Variants in MTOR observed in about 807,000 individuals in gnomAD.
MTOR encodes mechanistic target of rapamycin kinase.
MTOR carries 70 observed loss-of-function variants against 319.8 expected under a neutral mutation model. That is an observed-to-expected ratio of 0.22 (90% CI 0.18 to 0.27). MTOR has a LOEUF of 0.27. MTOR is among the 10% of genes least tolerant of loss of function. The pLI is 1.00. For missense variants in MTOR, 1,890 were observed against 3,274.4 expected, an observed-to-expected ratio of 0.58 and a Z score of 10.32; for synonymous variants, 1,183 against 1,211.4, an observed-to-expected ratio of 0.98 and a Z score of 0.49.
intron 10 of MTOR, among the ~76,000 whole-genome samples, chr1:11,241,036 A>AC (rs1175679995): frequency 6.6e-6 from 1 of 151,936 alleles, no homozygotes; most frequent in African/African-American, 2.4e-5. Context: ...AAAAAAAAAA[A>AC]ATGAGGCCAG....
chr1:11,248,117 A>T (rs1318448742), intron 6 of MTOR, 23 bp from the exon 7 acceptor site: 1 of 1,554,966 alleles, frequency 6.4e-7, no homozygotes, highest in Non-Finnish European at 8.7e-7. Context: ...GGAGGAAAAA[A>T]ATCATCTTTA....
In MTOR at chr1:11,189,458, G is replaced by C. The variant is rs965233389; in HGVS notation, c.4253+9800C>G. On this transcript the variant is annotated intron_variant, in intron 28 of 57. Transcript: ENST00000361445. ...GCAAGGAAAGAGAGAAAACAACAAAGTGGCGAGGCCCTCAGAGTGAAAGCG... is the reference window on the plus strand; with the variant it reads ...GCAAGGAAAGAGAGAAAACAACAAACTGGCGAGGCCCTCAGAGTGAAAGCG... The C allele has an allele frequency of 2.3e-5, 27 of 1,188,720 alleles. No homozygotes were observed. The African/African-American group carries it at 3.8e-4, about 17-fold the overall frequency. The allele number at this position is 1,188,720 out of a possible 1,614,324, so 73.6% of individuals were successfully genotyped here. A position where few individuals can be genotyped will look rare whatever the true frequency, so the allele number is the denominator to read the frequency against.
At chr1:11,175,139 A>C (rs543527950) in intron 28 of MTOR, among the ~76,000 whole-genome samples, 2 of 152,230 alleles carry the variant, frequency 1.3e-5, no homozygotes, top group African/African-American at 4.8e-5. Context: ...ATTCTACTCC[A>C]GTTTCCAGTT....
At position 11,204,040 on chromosome 1, in the gene MTOR, G is replaced by A. The variant is rs182045434; in HGVS notation, c.3944+521C>T. ...CCCAGCCAGAGCTGGGTTCCTAGTC[G>A]AGAGTCACCTGCACTTTGCCAGACA... On this transcript the variant is annotated intron_variant, in intron 26 of 57. Transcript: ENST00000361445. Among the ~76,000 whole-genome samples, 9 of 149,710 alleles carry A rather than the reference G, an allele frequency of 6.0e-5. No individual in the cohort carries two copies. The East Asian group carries it at 1.7e-3, about 29-fold the overall frequency.
In MTOR at chr1:11,234,185, A is replaced by C. The variant is rs1257659185; in HGVS notation, c.2289T>G (p.Asn763Lys). Residue 763 changes from asparagine to lysine, a missense_variant, in exon 14 of 58, where the codon AAT becomes AAG. Physicochemically the swap from Asn to Lys is moderately conservative, Grantham distance 94 (BLOSUM62 0). Transcript: ENST00000361445. ...SARMLGHLVS[N>K]APRLIRPYME... is the part of the protein sequence containing the mutation. ...TGTAGGGGCGGATGAGTCGGGGGGC[A>C]TTGGAGACCAGGTGCCCCAGCATGC... 4 of 1,614,024 alleles carry C rather than the reference A, an allele frequency of 2.5e-6. No homozygotes were observed. Among genetic ancestry groups the C allele is most frequent in the Non-Finnish European group, 3.4e-6 (4 of 1,180,028 alleles).
rs1455846232 is a variant in MTOR, at chr1:11,127,442, T to G, written c.6216+182A>C. On this transcript the variant is annotated intron_variant, in intron 44 of 57. Transcript: ENST00000361445. The surrounding 1 kb of genome is among the most constrained non-coding windows in gnomAD (Gnocchi z 5.5). ...CCTGTAACTAATTTCTGATGTTTTA[T>G]GCTCTGTGACCTCCATCAGAGCTCG... 3.9e-5 allele frequency among the ~76,000 whole-genome samples: 6 copies of G among 152,210 alleles called. No homozygotes were observed. The highest frequency in any genetic ancestry group is 1.4e-4 in the African/African-American group (6 of 41,452).
intron 10 of MTOR, among the ~76,000 whole-genome samples, chr1:11,241,283 T>C (rs1647979317): frequency 7.2e-6 from 1 of 138,100 alleles, no homozygotes; most frequent in East Asian, 2.1e-4. Flanking sequence ...ACTGGGCCAC[T>C]GCACTCCAGC....
chr1:11,174,599 A>G (rs1037063251), intron 28 of MTOR, among the ~76,000 whole-genome samples: 6 of 152,232 alleles, frequency 3.9e-5, no homozygotes, highest in African/African-American at 1.2e-4. Context: ...TCTCCTGCCT[A>G]CCTGGGTGAT....
intron 16 of MTOR, among the ~76,000 whole-genome samples, chr1:11,231,671 C>T (rs1318674282): frequency 6.6e-6 from 1 of 152,190 alleles, no homozygotes; most frequent in Non-Finnish European, 1.5e-5. Context: ...CCACCTTTCT[C>T]AAAGAAAACA....
intron 4 of MTOR, 82 bp downstream of exon 4, chr1:11,256,851 G>A: frequency 1.5e-6 from 2 of 1,353,150 alleles, no homozygotes; most frequent in South Asian, 2.5e-5. Flanking sequence ...TTTAAGGAAT[G>A]AGCCTCAGAA....
chr1:11,242,371 A>G (rs777329374), intron 9 of MTOR, among the ~76,000 whole-genome samples: 1 of 152,058 alleles, frequency 6.6e-6, no homozygotes. Context: ...ATAGTGGCAC[A>G]TGCCTGTAAT....
At chr1:11,116,973 A>T in intron 50 of MTOR, 31 bp downstream of exon 50, 1 of 1,516,202 alleles carries the variant, frequency 6.6e-7, no homozygotes, top group African/African-American at 1.4e-5. Flanking sequence ...ATGGAGAAAG[A>T]AGACTAAAAA....
intron 28 of MTOR, chr1:11,193,539 G>A (rs754334070): frequency 6.5e-7 from 1 of 1,537,702 alleles, no homozygotes; most frequent in Non-Finnish European, 8.8e-7. Context: ...CCTGCCTTCT[G>A]CCCCTGCAAG....
rs763546723 is a variant in MTOR, at chr1:11,230,942, T to C, written c.2762A>G (p.Lys921Arg). The C allele has an allele frequency of 3.1e-6, 5 of 1,614,012 alleles. No homozygotes were observed. Among genetic ancestry groups the C allele is most frequent in the Non-Finnish European group, 3.4e-6 (4 of 1,180,012 alleles). ...CAACTTACAGGAATCCTGACTTGAC[T>C]TGGATTCTGACAGGCTGACAGCAGA... Reference protein sequence around the residue: ...DASAVSLSESKSSQDSSDYST... With the variant: ...DASAVSLSESRSSQDSSDYST... Residue 921 changes from lysine (K) to arginine (R), a missense_variant, in exon 18 of 58, where the codon AAG (lysine) becomes AGG (arginine). Coordinates refer to ENST00000361445, the MANE Select transcript of MTOR (RefSeq NM_004958.4).
intron 28 of MTOR, chr1:11,194,398 G>T (rs1645692148): frequency 6.7e-7 from 1 of 1,492,128 alleles, no homozygotes; most frequent in African/African-American, 1.4e-5. Context: ...GAGAGAAGGG[G>T]TATAGAGACA....
chr1:11,219,862 G>A (rs72856944), intron 19 of MTOR, among the ~76,000 whole-genome samples: 8,914 of 151,292 alleles, frequency 0.059, 374 homozygotes, highest in South Asian at 0.12. Flanking sequence ...TGTCTCTATT[G>A]AAAATGCAAA....
In MTOR at chr1:11,237,842, C is replaced by T; in HGVS notation, c.2208+1G>A. 1 of 1,613,884 alleles carries T rather than the reference C, an allele frequency of 6.2e-7. No individual in the cohort carries two copies. ...GTGGGTCTGGCCATCACCTCGGTTA[C>T]CTGGATGAGCATCTTGCGCAGGAAA... is the stretch of plus-strand genomic sequence containing the variant. On this transcript the variant is annotated splice_donor_variant, in intron 13 of 57. Coordinates refer to ENST00000361445, the MANE Select transcript of MTOR (RefSeq NM_004958.4). LOFTEE classifies it high-confidence loss of function.
rs373496379 is a variant in MTOR, at chr1:11,139,501, C to G, written c.4998+32G>C. ...AGCCCAGGGACACCATGGGGCCCTA[C>G]CTGCCCATGTGGGTGGGTGGTTGTC... On this transcript the variant is annotated intron_variant, in intron 35 of 57. Coordinates refer to ENST00000361445, the MANE Select transcript of MTOR (RefSeq NM_004958.4). The G allele has an allele frequency of 1.2e-5, 19 of 1,614,030 alleles. No individual in the cohort carries two copies. In the African/African-American group the frequency reaches 2.4e-4, roughly 20 times the overall value.
intron 9 of MTOR, among the ~76,000 whole-genome samples, chr1:11,242,357 TG>T (rs1296983755): frequency 2.0e-5 from 3 of 151,808 alleles, no homozygotes; most frequent in African/African-American, 7.3e-5. Context: ...ATTATTAGCT[TG>T]GCATAGTGGC....
Sources: gnomAD v4.1 joint callset for allele counts (sites outside exome capture counted in the v4.1 genomes callset) on GRCh38, gnomAD v4.1.1 for gene constraint, Gnocchi (gnomAD v3.1) non-coding constraint, MANE v1.5 for transcripts, NCBI Gene and HGNC (gene_info 2026-07-23, HGNC 2026-07-21) for gene names.